CNOT10: variants seen among roughly 807,000 people sequenced by gnomAD.
CNOT10 encodes the protein CCR4-NOT transcription complex subunit 10.
A neutral mutation model predicts 94.6 loss-of-function variants in CNOT10; 30 were observed. The ratio of observed to expected loss-of-function variants is 0.32; its 90% CI spans 0.24 to 0.43. The LOEUF is 0.43. CNOT10 is among the 20% of genes least tolerant of loss of function. The probability of loss-of-function intolerance (pLI) is 1.00; values close to 1 mark genes in which losing one functional copy is unlikely to be tolerated. For synonymous variants in CNOT10, 289 were observed against 301.6 expected (o/e 0.96, Z 0.43); for missense variants, 759 against 877.2 (o/e 0.87, Z 1.70).
intron 1 of CNOT10, among the ~76,000 whole-genome samples, chr3:32,685,686 G>A (rs763030168): frequency 2.0e-5 from 3 of 152,184 alleles, no homozygotes; most frequent in Admixed American, 6.5e-5. Flanking sequence ...CTCAAGTGCA[G>A]TATTTGAAGT....
In CNOT10 at chr3:32,687,439, G is replaced by GTTTTTTTTTTTTTTTTTTT. The variant is rs201119069; in HGVS notation, c.22+1969_22+1970insTTTTTTTTTTTTTTTTTTT. On this transcript the variant is annotated intron_variant, in intron 1 of 18. Transcript: ENST00000328834. ...TTCTTTCTCCTTTTAAGTCCTCACG[G>GTTTTTTTTTTTTTTTTTTT]TTTTTTTTTTTTGTTTTTTTTTTTT... 1.6e-4 allele frequency among the ~76,000 whole-genome samples: 8 copies of GTTTTTTTTTTTTTTTTTTT among 51,310 alleles called. 2 individuals are homozygous for GTTTTTTTTTTTTTTTTTTT. Among genetic ancestry groups the GTTTTTTTTTTTTTTTTTTT allele is most frequent in the Non-Finnish European group, 2.4e-4 (7 of 29,276 alleles). The allele number at this position is 51,310 out of a possible 152,430, so 33.7% of individuals were successfully genotyped here.
chr3:32,770,107 A>G (rs1559522487), intron 18 of CNOT10, 145 bp downstream of exon 18: 3 of 622,568 alleles, frequency 4.8e-6, no homozygotes, highest in Non-Finnish European at 8.6e-6. Flanking sequence ...CCTAGGCTCA[A>G]GCAGCCTTCC....
intron 1 of CNOT10, among the ~76,000 whole-genome samples, chr3:32,700,703 A>G (rs1413365975): frequency 6.6e-6 from 1 of 152,238 alleles, no homozygotes; most frequent in Non-Finnish European, 1.5e-5. Context: ...TATGAAAAAA[A>G]TTCCTGTATA....
chr3:32,761,743 C>CTTT (rs1236020556), intron 14 of CNOT10, among the ~76,000 whole-genome samples: 1 of 101,924 alleles, frequency 9.8e-6, no homozygotes, highest in African/African-American at 3.5e-5. Flanking sequence ...TTTTTTTTTT[C>CTTT]TTTTTTTGAA....
intron 2 of CNOT10, among the ~76,000 whole-genome samples, chr3:32,704,233 A>G (rs931420987): frequency 1.2e-4 from 19 of 152,202 alleles, no homozygotes; most frequent in Non-Finnish European, 2.6e-4. Context: ...ATTTGTAAGT[A>G]TGTGGGTCAG....
chr3:32,697,193 G>C (rs1467921201), intron 1 of CNOT10, among the ~76,000 whole-genome samples: 2 of 151,710 alleles, frequency 1.3e-5, no homozygotes, highest in Non-Finnish European at 2.9e-5. Flanking sequence ...CAGGTGATCT[G>C]CCCACCTTGG....
intron 13 of CNOT10, among the ~76,000 whole-genome samples, chr3:32,743,384 C>G (rs761432630): frequency 2.0e-5 from 3 of 152,042 alleles, no homozygotes; most frequent in Non-Finnish European, 4.4e-5. Flanking sequence ...AATCCCAGCA[C>G]TTTGGGAGGC....
intron 1 of CNOT10, among the ~76,000 whole-genome samples, chr3:32,687,439 G>GTTTTTTTTTTGTTTTTTTTT: frequency 1.9e-5 from 1 of 51,320 alleles, no homozygotes; most frequent in Non-Finnish European, 3.4e-5. Context: ...AGTCCTCACG[G>GTTTTTTTTTTGTTTTTTTTT]TTTTTTTTTT....
At chr3:32,740,861 T>TAA (rs35227726) in intron 13 of CNOT10, among the ~76,000 whole-genome samples, 31 of 137,248 alleles carry the variant, frequency 2.3e-4, no homozygotes, top group South Asian at 7.1e-4. Context: ...GACTCCGTCT[T>TAA]AAAAAAAAAA....
intron 13 of CNOT10, among the ~76,000 whole-genome samples, chr3:32,754,277 G>A (rs180758985): frequency 1.1e-4 from 17 of 150,186 alleles, no homozygotes; most frequent in African/African-American, 2.0e-4. Context: ...GGAGATCGAG[G>A]CCATCCTGGC....
chr3:32,685,354 C>T lies in CNOT10; in HGVS notation c.-107C>T, dbSNP rs1277041306. On this transcript the variant is annotated 5_prime_UTR_variant, in exon 1 of 19. Transcript: ENST00000328834. ...TAGCCGGAACCTGGGGGCCCGGAGCCGGGGTAGGCACAGAGTTGTCCTCGG... is the reference window on the plus strand; with the variant it reads ...TAGCCGGAACCTGGGGGCCCGGAGCTGGGGTAGGCACAGAGTTGTCCTCGG... 2.6e-5 allele frequency: 35 copies of T among 1,359,338 alleles called. No homozygotes were observed. Among genetic ancestry groups the T allele is most frequent in the Non-Finnish European group, 3.4e-5 (33 of 978,572 alleles). The allele number at this position is 1,359,338 out of a possible 1,614,324, so 84.2% of individuals were successfully genotyped here. A position where few individuals can be genotyped will look rare whatever the true frequency, so the allele number is the denominator to read the frequency against.
At chr3:32,737,256 A>C (rs767703159) in intron 12 of CNOT10, 154 bp from the exon 13 acceptor site, 56 of 538,896 alleles carry the variant, frequency 1.0e-4, no homozygotes, top group Non-Finnish European at 5.3e-5. Context: ...CAGAGGTTGC[A>C]GTGAGTTGAG....
At chr3:32,733,993 T>C (rs1389904950) in intron 11 of CNOT10, among the ~76,000 whole-genome samples, 2 of 152,212 alleles carry the variant, frequency 1.3e-5, no homozygotes, top group Non-Finnish European at 2.9e-5. Context: ...AGCTGTCACA[T>C]GTATAATCTT....
rs140085274 is a variant in CNOT10 at position 32,773,447 on chromosome 3, G to A, written c.2081-10G>A. On this transcript the variant is annotated splice_polypyrimidine_tract_variant and intron_variant, in intron 18 of 18. Transcript: ENST00000328834. ...TGTGCTTTGTTTTTTAACGGGAAGT[G>A]TTTTTATAGGTAATACTCAGCTGGC... The A allele has an allele frequency of 2.5e-6, 4 of 1,605,562 alleles. No homozygotes were observed. In the African/African-American group the frequency reaches 4.0e-5, roughly 16 times the overall value.
chr3:32,743,076 C>T (rs894441672), intron 13 of CNOT10, among the ~76,000 whole-genome samples: 1 of 150,538 alleles, frequency 6.6e-6, no homozygotes, highest in Non-Finnish European at 1.5e-5. Context: ...ACATCCGCCT[C>T]CTGAGTTCAA....
At chr3:32,751,616 AAAG>A (rs1302728995) in intron 13 of CNOT10, among the ~76,000 whole-genome samples, 1 of 152,234 alleles carries the variant, frequency 6.6e-6, no homozygotes, top group Non-Finnish European at 1.5e-5. Context: ...AGTGTCTATA[AAAG>A]AAGATGAATC....
chr3:32,769,814 G>A (rs1345850898), intron 17 of CNOT10, 73 bp from the exon 18 acceptor site: 2 of 1,166,410 alleles, frequency 1.7e-6, no homozygotes, highest in African/African-American at 1.5e-5. Flanking sequence ...TACCTTGTTG[G>A]TTGGCAGATG....
intron 13 of CNOT10, among the ~76,000 whole-genome samples, chr3:32,757,430 C>T (rs2125627356): frequency 6.6e-6 from 1 of 152,208 alleles, no homozygotes; most frequent in African/African-American, 2.4e-5. Flanking sequence ...CAGCCTGTCT[C>T]AGCCTCCCAA....
chr3:32,746,343 C>CTAT (rs1181473590), intron 13 of CNOT10, among the ~76,000 whole-genome samples: 1 of 152,142 alleles, frequency 6.6e-6, no homozygotes. Context: ...CACTGTATTT[C>CTAT]TATTATTATT....
Sources: allele counts gnomAD v4.1 joint callset (sites outside exome capture counted in the v4.1 genomes callset), GRCh38; gene constraint gnomAD v4.1.1; transcripts MANE v1.5; gene names NCBI Gene and HGNC (gene_info 2026-07-23, HGNC 2026-07-21).